The following KDM4C variants were observed in gnomAD, a reference collection of about 807,000 sequenced individuals.
The protein encoded by KDM4C is lysine-specific demethylase 4C.
In KDM4C, 81 loss-of-function variants were observed where a neutral mutation model predicts 129.3. That is an observed-to-expected ratio of 0.63 (90% CI 0.52 to 0.75). The LOEUF (loss-of-function observed/expected upper bound fraction) is 0.75. Ranked by LOEUF, KDM4C falls within the 30% of genes least tolerant of loss-of-function variation. KDM4C has a pLI of 0.00. For synonymous variants in KDM4C, 573 were observed against 456.1 expected, an observed-to-expected ratio of 1.26 and a Z score of -3.26; for missense variants, 1,457 against 1,304.0, an observed-to-expected ratio of 1.12 and a Z score of -1.81.
chr9:6,847,452 G>C (rs966108750), intron 4 of KDM4C, among the ~76,000 whole-genome samples: 1 of 151,888 alleles, frequency 6.6e-6, no homozygotes, highest in Admixed American at 6.6e-5. Flanking sequence ...AGGCTGGAGT[G>C]CAGTGGCACG....
intron 8 of KDM4C, among the ~76,000 whole-genome samples, chr9:6,897,928 T>C (rs1257996784): frequency 6.6e-6 from 1 of 152,220 alleles, no homozygotes; most frequent in South Asian, 2.1e-4. Context: ...CTGACTGTTT[T>C]CTGTTTCTGG....
At chr9:6,988,587 G>T (rs1298382283) in intron 11 of KDM4C, among the ~76,000 whole-genome samples, 1 of 152,074 alleles carries the variant, frequency 6.6e-6, no homozygotes, top group African/African-American at 2.4e-5. Context: ...TCAGTGTAAT[G>T]CTATGTGTAT....
At position 7,139,235 on chromosome 9, in the gene KDM4C, G is replaced by A. The variant is rs147746943; in HGVS notation, c.2781+10999G>A. On this transcript the variant is annotated intron_variant, in intron 19 of 21. Transcript: ENST00000381309. ...GGTTGCAATGAGCTGAGATTCTGCC[G>A]CTGCTCTCCAGTCTGGGTGACAGGA... Among the ~76,000 whole-genome samples the A allele has an allele frequency of 7.2e-3, 1,095 of 152,220 alleles. 16 individuals are homozygous for A. Among genetic ancestry groups the A allele is most frequent in the African/African-American group, 0.025 (1,036 of 41,536 alleles).
intron 1 of KDM4C, among the ~76,000 whole-genome samples, chr9:6,780,937 C>T (rs1029893900): frequency 6.6e-6 from 1 of 151,464 alleles, no homozygotes; most frequent in African/African-American, 2.4e-5. Flanking sequence ...CTTTTTGGTC[C>T]CTTCATCTTT....
intron 3 of KDM4C, among the ~76,000 whole-genome samples, chr9:6,813,156 C>G (rs1337355422): frequency 1.3e-5 from 2 of 151,928 alleles, no homozygotes; most frequent in Non-Finnish European, 2.9e-5. Context: ...GCCTGGGCAA[C>G]AAGAGTGAGA....
chr9:6,732,064 A>G (rs990290023), intron 1 of KDM4C, among the ~76,000 whole-genome samples: 1 of 152,048 alleles, frequency 6.6e-6, no homozygotes, highest in Admixed American at 6.6e-5. Flanking sequence ...CTAAAATCAA[A>G]TAGATCAAAG....
chr9:6,724,853 C>T (rs1306673117), intron 1 of KDM4C, among the ~76,000 whole-genome samples: 4 of 152,032 alleles, frequency 2.6e-5, no homozygotes, highest in Non-Finnish European at 5.9e-5. Context: ...TTTCTTATTG[C>T]CACTATTACA....
chr9:6,931,761 A>G (rs1351944716), intron 8 of KDM4C, among the ~76,000 whole-genome samples: 4 of 152,222 alleles, frequency 2.6e-5, no homozygotes, highest in African/African-American at 7.2e-5. Context: ...TTAGTCTCCC[A>G]AAGTGTTGGG....
chr9:6,949,459 A>C (rs1479680673), intron 8 of KDM4C, among the ~76,000 whole-genome samples: 1 of 152,186 alleles, frequency 6.6e-6, no homozygotes, highest in African/African-American at 2.4e-5. Flanking sequence ...CAGAGGCTGT[A>C]ATCTCGGCAC....
At chr9:6,879,809 T>C (rs1388571548) in intron 5 of KDM4C, among the ~76,000 whole-genome samples, 1 of 152,148 alleles carries the variant, frequency 6.6e-6, no homozygotes, top group Non-Finnish European at 1.5e-5. Flanking sequence ...ACATTGAAAT[T>C]GGTAATTTAT....
intron 8 of KDM4C, among the ~76,000 whole-genome samples, chr9:6,910,244 A>T (rs1487382677): frequency 6.6e-6 from 1 of 152,180 alleles, no homozygotes; most frequent in Non-Finnish European, 1.5e-5. Context: ...CTACATTAAT[A>T]TATAAAGAAA....
chr9:6,939,136 A>C (rs1363035130), intron 8 of KDM4C, among the ~76,000 whole-genome samples: 1 of 151,642 alleles, frequency 6.6e-6, no homozygotes, highest in African/African-American at 2.4e-5. Context: ...ACTGGGCTGC[A>C]CCATAGGAGG....
chr9:6,950,325 G>T (rs1827906111), intron 8 of KDM4C, among the ~76,000 whole-genome samples: 1 of 152,070 alleles, frequency 6.6e-6, no homozygotes, highest in Non-Finnish European at 1.5e-5. Context: ...AATAATCATG[G>T]TAAGTAGAAA....
At chr9:7,085,411 C>A (rs1468443613) in intron 17 of KDM4C, among the ~76,000 whole-genome samples, 1 of 152,088 alleles carries the variant, frequency 6.6e-6, no homozygotes, top group Non-Finnish European at 1.5e-5. Flanking sequence ...CTAATAAAAT[C>A]TAATTGTTTA....
At chr9:6,836,428 T>C (rs925410549) in intron 4 of KDM4C, among the ~76,000 whole-genome samples, 9 of 152,206 alleles carry the variant, frequency 5.9e-5, no homozygotes, top group Non-Finnish European at 1.3e-4. Context: ...TTTATATATG[T>C]ACAATATATT....
intron 8 of KDM4C, among the ~76,000 whole-genome samples, chr9:6,899,570 T>TGTGTG (rs1589001680): frequency 6.6e-6 from 1 of 151,766 alleles, no homozygotes; most frequent in African/African-American, 2.4e-5. Context: ...TGTGTGTGTG[T>TGTGTG]TTAACTTGCT....
At chr9:7,015,795 T>C (rs1030978876) in intron 14 of KDM4C, 58 bp from the exon 15 acceptor site, 1 of 1,152,488 alleles carries the variant, frequency 8.7e-7, no homozygotes, top group Admixed American at 1.7e-5. Context: ...TACTGAGATC[T>C]GCAATATTTT....
At chr9:6,953,315 G>C (rs912262714) in intron 8 of KDM4C, among the ~76,000 whole-genome samples, 1 of 152,134 alleles carries the variant, frequency 6.6e-6, no homozygotes, top group African/African-American at 2.4e-5. Flanking sequence ...TGGAGTAAAG[G>C]CTTTCCCGCC....
At chr9:6,812,950 C>T (rs1189912253) in intron 3 of KDM4C, among the ~76,000 whole-genome samples, 6 of 152,130 alleles carry the variant, frequency 3.9e-5, no homozygotes, top group Non-Finnish European at 5.9e-5. Context: ...CCGATGCAGG[C>T]GGATCACCTG....
Sources: allele counts gnomAD v4.1 joint callset (sites outside exome capture counted in the v4.1 genomes callset), GRCh38; gene constraint gnomAD v4.1.1; transcripts MANE v1.5; gene names NCBI Gene and HGNC (gene_info 2026-07-23, HGNC 2026-07-21).